PFKFB3: variants seen among roughly 807,000 people sequenced by gnomAD.
The protein encoded by PFKFB3 is 6-phosphofructo-2-kinase/fructose-2,6-biphosphatase 3.
Under a neutral mutation model 68.0 loss-of-function variants are expected in PFKFB3, and 33 were observed. The observed-to-expected ratio is 0.49, with a 90% CI of 0.37 to 0.65. PFKFB3 has a LOEUF of 0.65. Among genes scored for constraint, PFKFB3 ranks in the 30% least tolerant of loss-of-function variants. PFKFB3 has a pLI of 0.00. For missense variants in PFKFB3, 586 were observed against 712.2 expected, an observed-to-expected ratio of 0.82 and a Z score of 2.02; for synonymous variants, 315 against 288.2, an observed-to-expected ratio of 1.09 and a Z score of -0.94.
At chr10:6,221,575 G>A (rs570500724) in intron 9 of PFKFB3, 48 bp downstream of exon 9, 65 of 1,611,394 alleles carry the variant, frequency 4.0e-5, no homozygotes, top group Middle Eastern at 3.3e-4. Flanking sequence ...GGCATGGGGC[G>A]GCTTCCCAAG....
chr10:6,179,625 G>A (rs1478361887), intron 1 of PFKFB3, among the ~76,000 whole-genome samples: 1 of 152,178 alleles, frequency 6.6e-6, no homozygotes, highest in African/African-American at 2.4e-5. Context: ...GAGGACTGCA[G>A]GCAAGAGGGG....
chr10:6,300,307 G>A, the PFKFB3 span, among the ~76,000 whole-genome samples: 2 of 152,168 alleles, frequency 1.3e-5, no homozygotes, highest in South Asian at 2.1e-4. Context: ...TGTGTCTTAC[G>A]CATTTTCACT....
At chr10:6,216,035 C>A in intron 3 of PFKFB3, 90 bp from the exon 4 acceptor site, 1 of 1,134,990 alleles carries the variant, frequency 8.8e-7, no homozygotes, top group Non-Finnish European at 1.3e-6. Context: ...CCACCAGTTA[C>A]TCTGCTTGTC....
the PFKFB3 span, among the ~76,000 whole-genome samples, chr10:6,299,659 T>C: frequency 1.3e-5 from 2 of 152,368 alleles, no homozygotes; most frequent in African/African-American, 4.8e-5. Flanking sequence ...TTGCTTGACC[T>C]TGACTTTTCA....
chr10:6,163,803 C>T (rs612314), intron 1 of PFKFB3: 94,957 of 151,454 alleles, frequency 0.63, 32,055 homozygotes, highest in Non-Finnish European at 0.77. Flanking sequence ...CGGCACGCCG[C>T]GTTCACGTGC....
Position 6,215,370 on chromosome 10 carries a change from C to T in PFKFB3, c.299+53C>T, listed in dbSNP as rs947729731. On this transcript the variant is annotated intron_variant, in intron 3 of 14. Transcript: ENST00000379775. This position sits in a 1 kb window ranked among gnomAD's most constrained non-coding sequence, Gnocchi z 4.3. Reference sequence around the variant, plus strand: ...GGGCTGTGGGAATAAGGCTGGGCCGCGGGCATAAGGCTGGGCTGCAGGAGT... The same window carrying T: ...GGGCTGTGGGAATAAGGCTGGGCCGTGGGCATAAGGCTGGGCTGCAGGAGT... 7.2e-6 allele frequency: 10 copies of T among 1,389,300 alleles called. No individual in the cohort carries two copies. Among genetic ancestry groups the T allele is most frequent in the East Asian group, 4.6e-5 (2 of 43,198 alleles). The allele number at this position is 1,389,300 out of a possible 1,614,324, so 86.1% of individuals were successfully genotyped here. A position where few individuals can be genotyped will look rare whatever the true frequency, so the allele number is the denominator to read the frequency against.
chr10:6,145,272 C>CTCCGGCCTCGCGTCTCCTT (rs540681219), intron 1 of PFKFB3, among the ~76,000 whole-genome samples: 2 of 151,652 alleles, frequency 1.3e-5, no homozygotes, highest in Non-Finnish European at 2.9e-5. Flanking sequence ...ACGCGTCCCC[C>CTCCGGCCTCGCGTCTCCTT]TCCGGCCTCG....
At chr10:6,151,726 C>G (rs553922679) in intron 1 of PFKFB3, among the ~76,000 whole-genome samples, 2 of 152,152 alleles carry the variant, frequency 1.3e-5, no homozygotes, top group African/African-American at 4.8e-5. Flanking sequence ...GTACCCTCCC[C>G]GCTCCCTGAG....
At chr10:6,146,106 TG>T in intron 1 of PFKFB3, 3 of 455,292 alleles carry the variant, frequency 6.6e-6, no homozygotes, top group Non-Finnish European at 8.7e-6. Flanking sequence ...CACTGCGACC[TG>T]GGCACACTAA....
rs1238366399 is a variant in PFKFB3, at chr10:6,234,076, C to T, written c.*1134C>T. The stretch of plus-strand genomic sequence containing the variant: ...GGCCTTCCCTTCATGGCGTCTATGA[C>T]ACTTTTGTGGTGATGGAAAGCATGG... On this transcript the variant is annotated 3_prime_UTR_variant, in exon 15 of 15. Coordinates refer to ENST00000379775, the MANE Select transcript of PFKFB3 (RefSeq NM_004566.4). 6.6e-6 allele frequency: 1 copy of T among 152,418 alleles called. No individual in the cohort carries two copies. Among genetic ancestry groups the T allele is most frequent in the Non-Finnish European group, 1.5e-5 (1 of 68,088 alleles). 9.4% of individuals were successfully genotyped at this position (152,418 alleles called of 1,614,324 possible). A position where few individuals can be genotyped will look rare whatever the true frequency, so the allele number is the denominator to read the frequency against.
upstream of PFKFB3, among the ~76,000 whole-genome samples, chr10:6,199,086 G>A (rs927664300): frequency 3.3e-5 from 5 of 152,228 alleles, no homozygotes; most frequent in African/African-American, 1.2e-4. Flanking sequence ...GATGATGGAA[G>A]GGTTTGTTTC....
At chr10:6,187,307 G>A (rs1842895943) in intron 1 of PFKFB3, among the ~76,000 whole-genome samples, 1 of 152,084 alleles carries the variant, frequency 6.6e-6, no homozygotes, top group South Asian at 2.1e-4. Flanking sequence ...GTTGCAGTGA[G>A]CTGAGATTGC....
At chr10:6,183,511 T>C (rs1196917811) in intron 1 of PFKFB3, among the ~76,000 whole-genome samples, 1 of 151,074 alleles carries the variant, frequency 6.6e-6, no homozygotes, top group Non-Finnish European at 1.5e-5. Flanking sequence ...GAGTCTGGCC[T>C]GGTGTGGTGG....
At chr10:6,224,390 T>G (rs1845178708) in intron 13 of PFKFB3, 177 bp downstream of exon 13, 1 of 636,118 alleles carries the variant, frequency 1.6e-6, no homozygotes, top group East Asian at 2.7e-5. Flanking sequence ...TTCTGTGGCT[T>G]CTGGGGCCTT....
At position 6,173,909 on chromosome 10, in the gene PFKFB3, C is replaced by T. The variant is rs142818737; in HGVS notation, c.16+28896C>T. Among the ~76,000 whole-genome samples the T allele has an allele frequency of 1.7e-4, 26 of 152,134 alleles. 1 individual carries two copies. In the East Asian group the frequency reaches 4.3e-3, roughly 25 times the overall value. ...CCCTGTCAGCGGAATGCGCAGTGGA[C>T]GCAAACGGGAGGCGGGGAGGAAGAG... On this transcript the variant is annotated intron_variant, in intron 1 of 14. Coordinates refer to the PFKFB3 transcript ENST00000379789.
upstream of PFKFB3, among the ~76,000 whole-genome samples, chr10:6,201,774 G>T (rs919147338): frequency 9.9e-5 from 15 of 151,956 alleles, no homozygotes; most frequent in Admixed American, 3.3e-4. This position sits in a 1 kb window ranked among gnomAD's most constrained non-coding sequence, Gnocchi z 4.1. Context: ...GCGGCGCAGC[G>T]CTCCCGTACT....
the PFKFB3 span, among the ~76,000 whole-genome samples, chr10:6,302,362 G>GTT: frequency 1.3e-4 from 10 of 78,512 alleles, no homozygotes; most frequent in South Asian, 9.6e-4. Context: ...TGCCTGGCCA[G>GTT]TTTTTTTTTT....
chr10:6,301,842 C>T, the PFKFB3 span, among the ~76,000 whole-genome samples: 1 of 152,166 alleles, frequency 6.6e-6, no homozygotes, highest in Non-Finnish European at 1.5e-5. Context: ...ATGAGGATCA[C>T]ATTATTCCAG....
the PFKFB3 span, chr10:6,294,206 G>A: frequency 1.9e-6 from 1 of 528,798 alleles, no homozygotes; most frequent in Non-Finnish European, 3.9e-6. Flanking sequence ...CATCTTGAGA[G>A]ATGTGAACAG....
Sources: allele counts gnomAD v4.1 joint callset (sites outside exome capture counted in the v4.1 genomes callset), GRCh38; gene constraint gnomAD v4.1.1; non-coding constraint Gnocchi (gnomAD v3.1); transcripts MANE v1.5; gene names NCBI Gene and HGNC (gene_info 2026-07-23, HGNC 2026-07-21).